Variants in CALN1 observed in about 807,000 individuals in gnomAD.
The protein encoded by CALN1 is calcium-binding protein 8.
In CALN1, 17 loss-of-function variants were observed where a neutral mutation model predicts 30.6. That is an observed-to-expected ratio of 0.56 (90% CI 0.38 to 0.83). The LOEUF (loss-of-function observed/expected upper bound fraction) is 0.83, where lower values mean the gene tolerates loss of function less well. CALN1 is among the 40% of genes least tolerant of loss of function. CALN1 has a pLI of 0.00. For synonymous variants in CALN1, 156 were observed against 131.4 expected, an observed-to-expected ratio of 1.19 and a Z score of -1.28; for missense variants, 291 against 354.9, an observed-to-expected ratio of 0.82 and a Z score of 1.45.
At chr7:72,133,289 T>A (rs571835911) in intron 3 of CALN1, among the ~76,000 whole-genome samples, 1 of 152,366 alleles carries the variant, frequency 6.6e-6, no homozygotes, top group East Asian at 1.9e-4. Flanking sequence ...CTAATGAGAT[T>A]ATGCCAAAAG....
intron 3 of CALN1, among the ~76,000 whole-genome samples, chr7:72,169,489 A>AT (rs768976671): frequency 0.42 from 36,276 of 86,548 alleles, 5,459 homozygotes; most frequent in East Asian, 0.68. Flanking sequence ...CCAGCTGATT[A>AT]TTTTTTTTTT....
intron 4 of CALN1, among the ~76,000 whole-genome samples, chr7:72,076,928 T>A (rs974729116): frequency 6.6e-6 from 1 of 152,192 alleles, no homozygotes; most frequent in African/African-American, 2.4e-5. Context: ...TGTTTTTTAT[T>A]TTTTATTTTT....
chr7:72,065,169 T>C (rs1172815819), intron 4 of CALN1, among the ~76,000 whole-genome samples: 2 of 148,696 alleles, frequency 1.3e-5, no homozygotes, highest in African/African-American at 4.9e-5. Flanking sequence ...AATATTAATA[T>C]TTTAATGACC....
rs1253617167 is a variant in CALN1 at position 72,387,303 on chromosome 7, AGGG to A, written c.119+15945_119+15947del. ...GAGGGAGGGAGGGAGGGAGGGAGGG[AGGG>A]AGGCAGGCATCTCCCATATACAAGA... On this transcript the variant is annotated intron_variant, in intron 2 of 6. Transcript: ENST00000395275. Among the ~76,000 whole-genome samples the A allele has an allele frequency of 8.3e-5, 11 of 132,486 alleles. 1 individual carries two copies. The highest frequency in any genetic ancestry group is 3.2e-4 in the African/African-American group (11 of 34,784). The allele number at this position is 132,486 out of a possible 152,430, so 86.9% of individuals were successfully genotyped here. A position where few individuals can be genotyped will look rare whatever the true frequency, so the allele number is the denominator to read the frequency against.
intron 3 of CALN1, among the ~76,000 whole-genome samples, chr7:72,273,103 A>G (rs1797103826): frequency 6.6e-6 from 1 of 151,568 alleles, no homozygotes; most frequent in Non-Finnish European, 1.5e-5. Flanking sequence ...TGGAAACTGG[A>G]GACGGCATGC....
intron 4 of CALN1, among the ~76,000 whole-genome samples, chr7:72,079,710 C>G (rs546863116): frequency 6.6e-6 from 1 of 151,392 alleles, no homozygotes; most frequent in East Asian, 1.9e-4. Context: ...TCACTGAAAC[C>G]ACTGGCCCTT....
At chr7:71,967,434 C>G (rs1271351622) in intron 5 of CALN1, among the ~76,000 whole-genome samples, 1 of 151,696 alleles carries the variant, frequency 6.6e-6, no homozygotes, top group African/African-American at 2.4e-5. Context: ...TCCAGACCAG[C>G]CTGGGAAACA....
intron 2 of CALN1, among the ~76,000 whole-genome samples, chr7:72,335,083 G>A (rs778212848): frequency 6.6e-5 from 10 of 152,162 alleles, no homozygotes; most frequent in Non-Finnish European, 1.2e-4. Flanking sequence ...AGGCCGAGAG[G>A]TCTGAGGTGA....
At chr7:72,128,696 C>A (rs1052222767) in intron 3 of CALN1, among the ~76,000 whole-genome samples, 3 of 152,098 alleles carry the variant, frequency 2.0e-5, no homozygotes, top group Non-Finnish European at 4.4e-5. Context: ...CATGGCGAAG[C>A]CCCATCTCTA....
At chr7:71,795,236 G>A (rs1276688024) in intron 6 of CALN1, among the ~76,000 whole-genome samples, 1 of 151,994 alleles carries the variant, frequency 6.6e-6, no homozygotes, top group Non-Finnish European at 1.5e-5. Context: ...TGGCCAAGAC[G>A]GTCTCGATCT....
chr7:72,241,357 A>G (rs952013098), intron 3 of CALN1, among the ~76,000 whole-genome samples: 4 of 152,032 alleles, frequency 2.6e-5, no homozygotes, highest in African/African-American at 9.7e-5. Context: ...ATAATTTTTA[A>G]AAGTCAAGAA....
At chr7:72,084,472 C>T (rs1805353943) in intron 4 of CALN1, among the ~76,000 whole-genome samples, 1 of 151,598 alleles carries the variant, frequency 6.6e-6, no homozygotes, top group Non-Finnish European at 1.5e-5. Flanking sequence ...AATTCTCCTG[C>T]CTCGGCCTCC....
chr7:72,296,420 A>G (rs1017794056), intron 2 of CALN1, among the ~76,000 whole-genome samples: 1 of 149,134 alleles, frequency 6.7e-6, no homozygotes, highest in Non-Finnish European at 1.5e-5. Flanking sequence ...ATTGATTGGA[A>G]TAGTTTCAGA....
chr7:71,908,283 CT>C (rs1266616617), intron 5 of CALN1, among the ~76,000 whole-genome samples: 1 of 152,136 alleles, frequency 6.6e-6, no homozygotes, highest in Non-Finnish European at 1.5e-5. Flanking sequence ...GAATTTTCCC[CT>C]ATGCTTACAC....
At chr7:72,368,071 A>G (rs1385823470) in intron 2 of CALN1, among the ~76,000 whole-genome samples, 2 of 151,958 alleles carry the variant, frequency 1.3e-5, no homozygotes, top group Non-Finnish European at 2.9e-5. Flanking sequence ...CAGTGAGCCG[A>G]GACTGCGCCA....
intron 6 of CALN1, among the ~76,000 whole-genome samples, chr7:71,808,977 T>A (rs1787781119): frequency 6.6e-6 from 1 of 152,158 alleles, no homozygotes; most frequent in Admixed American, 6.6e-5. Context: ...CCTGCCCTTA[T>A]AAGATCAGTG....
At chr7:72,175,961 A>G (rs948086768) in intron 3 of CALN1, among the ~76,000 whole-genome samples, 1 of 152,052 alleles carries the variant, frequency 6.6e-6, no homozygotes, top group Non-Finnish European at 1.5e-5. Flanking sequence ...TAAAAAAAAA[A>G]CTAAATGCAA....
At chr7:72,446,502 G>T (rs1287422574) in intron 1 of CALN1, among the ~76,000 whole-genome samples, 1 of 152,048 alleles carries the variant, frequency 6.6e-6, no homozygotes, top group Non-Finnish European at 1.5e-5. Flanking sequence ...AAAGACGAGG[G>T]GAGAATGAGG....
At chr7:71,933,178 C>T (rs995750427) in intron 5 of CALN1, among the ~76,000 whole-genome samples, 1 of 152,234 alleles carries the variant, frequency 6.6e-6, no homozygotes, top group African/African-American at 2.4e-5. Flanking sequence ...CATCTTCCCT[C>T]CTCTTTGCCA....
Sources: allele counts gnomAD v4.1 joint callset (sites outside exome capture counted in the v4.1 genomes callset), GRCh38; gene constraint gnomAD v4.1.1; transcripts MANE v1.5; gene names NCBI Gene and HGNC (gene_info 2026-07-23, HGNC 2026-07-21).